OR10J1: variants seen among roughly 807,000 people sequenced by gnomAD.
OR10J1 encodes the protein olfactory receptor family 10 subfamily J member 1, also known as olfactory receptor 10J1.
For synonymous variants in OR10J1, 202 were observed against 143.8 expected, an observed-to-expected ratio of 1.40 and a Z score of -2.89; for missense variants, 474 against 376.6, an observed-to-expected ratio of 1.26 and a Z score of -2.14.
At chr1:159,439,661 C>A, upstream of OR10J1, 1 of 1,105,420 alleles carries the variant, frequency 9.0e-7, no homozygotes, top group Non-Finnish European at 1.3e-6. Context: ...ACTTAATCCA[C>A]TAGGAAATAC....
the OR10J1 span, among the ~76,000 whole-genome samples, chr1:159,423,201 C>T: frequency 1.3e-5 from 2 of 152,182 alleles, no homozygotes; most frequent in East Asian, 3.9e-4. Flanking sequence ...TTTTCTCCTA[C>T]AGGTGATGAC....
chr1:159,423,722 G>T, the OR10J1 span, among the ~76,000 whole-genome samples: 1 of 152,226 alleles, frequency 6.6e-6, no homozygotes, highest in Non-Finnish European at 1.5e-5. Context: ...TGGCAACAAG[G>T]TTTACAACCA....
the OR10J1 span, among the ~76,000 whole-genome samples, chr1:159,403,309 C>G: frequency 6.6e-6 from 1 of 152,024 alleles, no homozygotes; most frequent in Non-Finnish European, 1.5e-5. Context: ...AGTATACATT[C>G]GACAAAGTGA....
chr1:159,405,043 A>G, the OR10J1 span, among the ~76,000 whole-genome samples: 2 of 152,116 alleles, frequency 1.3e-5, no homozygotes, highest in Non-Finnish European at 2.9e-5. Context: ...GCATATACTC[A>G]TGGCTCACCA....
At chr1:159,420,438 G>C in the OR10J1 span, among the ~76,000 whole-genome samples, 2 of 151,942 alleles carry the variant, frequency 1.3e-5, no homozygotes, top group African/African-American at 4.8e-5. Context: ...TGGTTTGCTG[G>C]AATTTTGTAG....
At chr1:159,424,122 A>G in the OR10J1 span, among the ~76,000 whole-genome samples, 2 of 151,228 alleles carry the variant, frequency 1.3e-5, no homozygotes, top group Non-Finnish European at 2.9e-5. Flanking sequence ...AGGCTGAAGC[A>G]GGAGAATCGC....
At chr1:159,427,116 G>T in the OR10J1 span, among the ~76,000 whole-genome samples, 1 of 151,636 alleles carries the variant, frequency 6.6e-6, no homozygotes, top group African/African-American at 2.4e-5. Context: ...ATGAGTTAAA[G>T]AAGAAACAAA....
chr1:159,413,945 G>T, the OR10J1 span, among the ~76,000 whole-genome samples: 6 of 151,730 alleles, frequency 4.0e-5, no homozygotes, highest in African/African-American at 1.4e-4. Context: ...TTATTTAATG[G>T]GTTTTTTAGG....
At chr1:159,409,409 T>G in the OR10J1 span, among the ~76,000 whole-genome samples, 1 of 151,760 alleles carries the variant, frequency 6.6e-6, no homozygotes, top group Non-Finnish European at 1.5e-5. Flanking sequence ...GGCATCAAAT[T>G]CCACTTTCTT....
chr1:159,399,434 C>T, the OR10J1 span, among the ~76,000 whole-genome samples: 3 of 151,602 alleles, frequency 2.0e-5, no homozygotes, highest in Middle Eastern at 3.4e-3. Context: ...AGCCGGGCAT[C>T]GTGGTGGGCA....
chr1:159,433,815 G>A (rs191280063), upstream of OR10J1, among the ~76,000 whole-genome samples: 12 of 152,246 alleles, frequency 7.9e-5, no homozygotes, highest in Admixed American at 2.0e-4. Flanking sequence ...ACTTCACTGC[G>A]AGTGCTCTTT....
chr1:159,424,811 C>T, the OR10J1 span, among the ~76,000 whole-genome samples: 14 of 151,900 alleles, frequency 9.2e-5, no homozygotes, highest in Non-Finnish European at 2.9e-5. Flanking sequence ...AGAACAGCAT[C>T]AAGGAAAACA....
the OR10J1 span, among the ~76,000 whole-genome samples, chr1:159,411,218 T>G: frequency 7.9e-5 from 12 of 152,204 alleles, no homozygotes; most frequent in Admixed American, 6.5e-4. Flanking sequence ...TTAGGTTCAC[T>G]TGGTGCAGAG....
At chr1:159,437,061 T>A (rs1655756004), upstream of OR10J1, among the ~76,000 whole-genome samples, 1 of 152,148 alleles carries the variant, frequency 6.6e-6, no homozygotes, top group South Asian at 2.1e-4. Flanking sequence ...CATGAAAGAC[T>A]AAGAAATTTT....
chr1:159,405,218 G>A, the OR10J1 span, among the ~76,000 whole-genome samples: 1 of 152,088 alleles, frequency 6.6e-6, no homozygotes, highest in African/African-American at 2.4e-5. Flanking sequence ...ACCTCTGAAG[G>A]TTCCCTAGCC....
At chr1:159,409,839 A>G in the OR10J1 span, among the ~76,000 whole-genome samples, 1 of 152,140 alleles carries the variant, frequency 6.6e-6, no homozygotes, top group Admixed American at 6.6e-5. Flanking sequence ...TGGGTTTGCT[A>G]TAGATAGCTG....
At chr1:159,419,173 G>A in the OR10J1 span, among the ~76,000 whole-genome samples, 1 of 152,250 alleles carries the variant, frequency 6.6e-6, no homozygotes, top group Admixed American at 6.5e-5. Context: ...AGACTTTGTG[G>A]AGCTGTTGGG....
chr1:159,427,612 T>A, the OR10J1 span, among the ~76,000 whole-genome samples: 24 of 151,938 alleles, frequency 1.6e-4, no homozygotes, highest in East Asian at 4.6e-3. Context: ...TGTACTAGAA[T>A]AAAAACCCCA....
chr1:159,397,670 G>A, the OR10J1 span, among the ~76,000 whole-genome samples: 1 of 152,100 alleles, frequency 6.6e-6, no homozygotes, highest in Non-Finnish European at 1.5e-5. Flanking sequence ...TTCTGCCTTT[G>A]GAAAAAGAAA....
Sources: gnomAD v4.1 joint callset for allele counts (sites outside exome capture counted in the v4.1 genomes callset) on GRCh38, gnomAD v4.1.1 for gene constraint, MANE v1.5 for transcripts, NCBI Gene and HGNC (gene_info 2026-07-23, HGNC 2026-07-21) for gene names.